The following SGCZ variants were observed in gnomAD, a reference collection of about 807,000 sequenced individuals.
SGCZ encodes the protein zeta-sarcoglycan.
Under a neutral mutation model 41.3 loss-of-function variants are expected in SGCZ, and 40 were observed. The ratio of observed to expected loss-of-function variants is 0.97; its 90% CI spans 0.75 to 1.26. The LOEUF (loss-of-function observed/expected upper bound fraction) is 1.26. Ranked by LOEUF, SGCZ falls within the 50% of genes most tolerant of loss-of-function variation. The probability of loss-of-function intolerance (pLI) is 0.00; values close to 1 mark genes in which losing one functional copy is unlikely to be tolerated. For missense variants in SGCZ, 552 were observed against 369.8 expected (o/e 1.49, Z -4.04); for synonymous variants, 206 against 137.5 (o/e 1.50, Z -3.49).
chr8:15,140,919 G>A (rs1168315248), intron 1 of SGCZ, among the ~76,000 whole-genome samples: 1 of 152,172 alleles, frequency 6.6e-6, no homozygotes, highest in Non-Finnish European at 1.5e-5. Context: ...TATACTTGCA[G>A]TAATGATGAC....
At chr8:15,060,211 C>T (rs1459161581) in intron 1 of SGCZ, among the ~76,000 whole-genome samples, 2 of 152,146 alleles carry the variant, frequency 1.3e-5, no homozygotes, top group Non-Finnish European at 2.9e-5. Flanking sequence ...TATAAAGACA[C>T]ATGCACACAT....
intron 1 of SGCZ, among the ~76,000 whole-genome samples, chr8:15,189,617 A>G (rs1800466229): frequency 6.6e-6 from 1 of 151,950 alleles, no homozygotes; most frequent in African/African-American, 2.4e-5. Flanking sequence ...CTAGAGCGCA[A>G]TGGCACAATC....
In SGCZ at chr8:14,742,829, A is replaced by G. The variant is rs540389651; in HGVS notation, c.40-187903T>C. Reference sequence around the variant, plus strand: ...GAATGTATGTTACCTGTATATTTACACTTTACCTTTATCACAATGTTGAAT... The same window carrying G: ...GAATGTATGTTACCTGTATATTTACGCTTTACCTTTATCACAATGTTGAAT... On this transcript the variant is annotated intron_variant, in intron 1 of 7. Coordinates refer to ENST00000382080, the MANE Select transcript of SGCZ (RefSeq NM_139167.4). Among the ~76,000 whole-genome samples, 14 of 152,190 alleles carry G rather than the reference A, an allele frequency of 9.2e-5. No individual in the cohort carries two copies. The South Asian group carries it at 2.9e-3, about 32-fold the overall frequency.
At chr8:15,126,860 G>A (rs1228169877) in intron 1 of SGCZ, among the ~76,000 whole-genome samples, 3 of 152,172 alleles carry the variant, frequency 2.0e-5, no homozygotes, top group African/African-American at 7.2e-5. Context: ...CTCTAGGGAA[G>A]CTCTTTGGAC....
intron 1 of SGCZ, among the ~76,000 whole-genome samples, chr8:14,583,068 C>T (rs1804945472): frequency 6.7e-6 from 1 of 149,780 alleles, no homozygotes; most frequent in Admixed American, 6.7e-5. Flanking sequence ...GTTCTAGATC[C>T]CTGAGGAATC....
intron 5 of SGCZ, among the ~76,000 whole-genome samples, chr8:14,137,930 G>A (rs1487184433): frequency 2.6e-5 from 4 of 152,164 alleles, no homozygotes; most frequent in Non-Finnish European, 5.9e-5. Context: ...CAGCCAGAGA[G>A]AAAGGTCAGG....
At chr8:14,302,915 T>C (rs1222250633) in intron 3 of SGCZ, among the ~76,000 whole-genome samples, 1 of 152,190 alleles carries the variant, frequency 6.6e-6, no homozygotes, top group South Asian at 2.1e-4. Flanking sequence ...TTCAATTTCA[T>C]TGAGAGAACT....
At chr8:14,959,132 C>G (rs898575135) in intron 1 of SGCZ, among the ~76,000 whole-genome samples, 2 of 151,986 alleles carry the variant, frequency 1.3e-5, no homozygotes, top group African/African-American at 4.8e-5. Flanking sequence ...ATTTTTTGAG[C>G]AATACAACCA....
intron 1 of SGCZ, among the ~76,000 whole-genome samples, chr8:14,722,775 C>A (rs571665215): frequency 3.0e-4 from 45 of 152,074 alleles, no homozygotes; most frequent in African/African-American, 1.0e-3. Flanking sequence ...GAGGGAGGGG[C>A]AAGCAAAATG....
At chr8:15,201,311 C>T (rs959848541) in intron 1 of SGCZ, among the ~76,000 whole-genome samples, 6 of 152,210 alleles carry the variant, frequency 3.9e-5, no homozygotes, top group Non-Finnish European at 7.3e-5. Flanking sequence ...GCCCCCGTGC[C>T]AGGCCTAGAT....
intron 1 of SGCZ, among the ~76,000 whole-genome samples, chr8:14,731,615 TACC>T (rs1270217533): frequency 1.3e-5 from 2 of 152,228 alleles, no homozygotes; most frequent in Non-Finnish European, 2.9e-5. Context: ...AATCATGTTT[TACC>T]ACATTTTCTT....
At chr8:14,582,788 T>C (rs1040748236) in intron 1 of SGCZ, among the ~76,000 whole-genome samples, 5 of 151,278 alleles carry the variant, frequency 3.3e-5, no homozygotes, top group Admixed American at 6.6e-5. Flanking sequence ...GATAGTTTAC[T>C]GAGAATGATG....
chr8:14,720,838 A>G (rs2130182463), intron 1 of SGCZ, among the ~76,000 whole-genome samples: 1 of 152,162 alleles, frequency 6.6e-6, no homozygotes. Context: ...TTTACATATT[A>G]TGTACCAATA....
chr8:14,680,492 C>A (rs920524720), intron 1 of SGCZ, among the ~76,000 whole-genome samples: 44 of 152,014 alleles, frequency 2.9e-4, no homozygotes, highest in African/African-American at 1.0e-3. Context: ...TTACTATGAA[C>A]TAAATACTGT....
At chr8:15,111,956 G>T (rs534491780) in intron 1 of SGCZ, among the ~76,000 whole-genome samples, 1 of 149,724 alleles carries the variant, frequency 6.7e-6, no homozygotes, top group Non-Finnish European at 1.5e-5. Flanking sequence ...TCATTCCTTC[G>T]TTACTTGGTG....
chr8:14,252,942 C>T (rs1354818712), intron 3 of SGCZ, among the ~76,000 whole-genome samples: 2 of 152,058 alleles, frequency 1.3e-5, no homozygotes, highest in East Asian at 3.9e-4. Flanking sequence ...CTTTTTGTAA[C>T]TTAAGGCATA....
At chr8:14,215,882 C>G (rs761770915) in intron 4 of SGCZ, among the ~76,000 whole-genome samples, 2 of 152,312 alleles carry the variant, frequency 1.3e-5, no homozygotes, top group Non-Finnish European at 2.9e-5. Flanking sequence ...CGGGTGCAAC[C>G]CGCAGACACT....
chr8:14,367,846 G>C lies in SGCZ; in HGVS notation c.235-43642C>G, dbSNP rs543897637. Among the ~76,000 whole-genome samples, 242 of 152,124 alleles carry C rather than the reference G, an allele frequency of 1.6e-3. 2 individuals are homozygous for C. The highest frequency in any genetic ancestry group is 5.2e-3 in the African/African-American group (214 of 41,508). ...TCATGTCATTCCCTCTCCTTAGCATGCTTATTATTTTTTGGGAAAGAATGT... is the reference window on the plus strand; with the variant it reads ...TCATGTCATTCCCTCTCCTTAGCATCCTTATTATTTTTTGGGAAAGAATGT... On this transcript the variant is annotated intron_variant, in intron 2 of 7. Transcript: ENST00000382080.
chr8:14,213,913 C>A (rs779665633), intron 4 of SGCZ, among the ~76,000 whole-genome samples: 1 of 152,106 alleles, frequency 6.6e-6, no homozygotes, highest in East Asian at 1.9e-4. Flanking sequence ...TATGTAGCTA[C>A]TTTACCCTTA....
Sources: allele counts gnomAD v4.1 joint callset (sites outside exome capture counted in the v4.1 genomes callset), GRCh38; gene constraint gnomAD v4.1.1; transcripts MANE v1.5; gene names NCBI Gene and HGNC (gene_info 2026-07-23, HGNC 2026-07-21).